NRK: variants seen among roughly 807,000 people sequenced by gnomAD.
NRK encodes the protein Nik related kinase.
NRK carries 67 observed loss-of-function variants against 125.2 expected under a neutral mutation model. The observed-to-expected ratio is 0.54, with a 90% confidence interval of 0.44 to 0.66. The LOEUF is 0.66. Ranked by LOEUF, NRK falls within the 30% of genes least tolerant of loss-of-function variation. The pLI is 0.00. For missense variants in NRK, 1,224 were observed against 1,192.9 expected, an observed-to-expected ratio of 1.03 and a Z score of -0.38; for synonymous variants, 458 against 429.0, an observed-to-expected ratio of 1.07 and a Z score of -0.84.
rs1175674592 is a variant in NRK at position 105,822,656 on chromosome X, C to T, written c.-190C>T. The T allele has an allele frequency of 2.1e-6, 1 of 480,576 alleles. No homozygotes were observed. Among genetic ancestry groups the T allele is most frequent in the Non-Finnish European group, 3.6e-6 (1 of 276,251 alleles). The allele number at this position is 480,576 out of a possible 1,213,427, so 39.6% of individuals were successfully genotyped here. A position where few individuals can be genotyped will look rare whatever the true frequency, so the allele number is the denominator to read the frequency against. On this transcript the variant is annotated 5_prime_UTR_variant, in exon 1 of 29. Coordinates refer to ENST00000243300, the MANE Select transcript of NRK (RefSeq NM_198465.4). ...TTCCCGCCTCGCAAACTCCGGTTTC[C>T]CTCCACTCCCAACTCTTTTCACTAC...
chrX:105,895,358 T>G (rs1199361107), intron 6 of NRK, 75 bp from the exon 7 acceptor site: 1 of 769,822 alleles, frequency 1.3e-6, no homozygotes, highest in Admixed American at 2.4e-5. Flanking sequence ...TACTAAGAAC[T>G]GTACCAGAAA....
intron 13 of NRK, among the ~76,000 whole-genome samples, chrX:105,910,561 G>A (rs1006762597): frequency 1.8e-5 from 2 of 112,424 alleles, no homozygotes; most frequent in Non-Finnish European, 3.8e-5. Context: ...CATAGTAACA[G>A]ACCAATTACA....
intron 2 of NRK, among the ~76,000 whole-genome samples, chrX:105,849,432 G>A (rs560792660): frequency 1.8e-5 from 2 of 111,080 alleles, no homozygotes; most frequent in South Asian, 7.8e-4. Context: ...CAAATCTCAT[G>A]TCCTCACATT....
intron 25 of NRK, 116 bp from the exon 26 acceptor site, chrX:105,946,199 T>A (rs1406729889): frequency 8.9e-6 from 7 of 788,400 alleles, no homozygotes; most frequent in Non-Finnish European, 1.3e-5. Context: ...TATGCCATTT[T>A]AAAAATCCAC....
Position 105,929,160 on chromosome X carries a change from A to G in NRK, c.3312+4129A>G, listed in dbSNP as rs185534305. The stretch of plus-strand genomic sequence containing the variant: ...TAATATTTGCTTTTTATATCTGGGT[A>G]CTCTAGTGTTTGGTCCATAAGTATT... On this transcript the variant is annotated intron_variant, in intron 19 of 28. Transcript: ENST00000243300. Among the ~76,000 whole-genome samples the G allele has an allele frequency of 5.1e-4, 57 of 111,145 alleles. 1 individual carries two copies. Among genetic ancestry groups the G allele is most frequent in the African/African-American group, 1.9e-3 (57 of 30,728 alleles).
chrX:105,852,713 A>C (rs1162734717), intron 2 of NRK, among the ~76,000 whole-genome samples: 1 of 111,689 alleles, frequency 9.0e-6, no homozygotes, highest in Non-Finnish European at 1.9e-5. Flanking sequence ...AAACAGTACC[A>C]ATGTTTTCAA....
intron 7 of NRK, 47 bp from the exon 8 acceptor site, chrX:105,898,537 C>CT: frequency 8.9e-7 from 1 of 1,128,991 alleles, no homozygotes; most frequent in Non-Finnish European, 1.2e-6. Flanking sequence ...ACTTATTAAG[C>CT]TTTTTTCTCC....
intron 14 of NRK, among the ~76,000 whole-genome samples, chrX:105,915,281 G>T (rs2040351561): frequency 9.0e-6 from 1 of 110,638 alleles, no homozygotes; most frequent in Non-Finnish European, 1.9e-5. Context: ...TAGCTTAAAA[G>T]GATGAGTGTA....
chrX:105,866,987 T>G (rs1450483790), intron 2 of NRK, among the ~76,000 whole-genome samples: 1 of 111,167 alleles, frequency 9.0e-6, no homozygotes, highest in African/African-American at 3.3e-5. Flanking sequence ...ATTCAGTGAA[T>G]TTTTGTTGAA....
Position 105,912,653 on chromosome X carries a change from A to G in NRK, c.2247A>G (p.Lys749=), listed in dbSNP as rs764035983. The G allele has an allele frequency of 8.4e-6, 9 of 1,073,390 alleles. No individual in the cohort carries two copies. The Admixed American group carries it at 2.8e-4, about 33-fold the overall frequency. 88.5% of individuals were successfully genotyped at this position (1,073,390 alleles called of 1,213,427 possible). A position where few individuals can be genotyped will look rare whatever the true frequency, so the allele number is the denominator to read the frequency against. Residue 749 remains lysine, a synonymous_variant, in exon 14 of 29, where the codon AAA becomes AAG. Transcript: ENST00000243300. Reference sequence around the variant, plus strand: ...CTTTCCTTTTTGTTTCAAAGGACAAAGAAGATGAATCATCAGACAATGATG... The same window carrying G: ...CTTTCCTTTTTGTTTCAAAGGACAAGGAAGATGAATCATCAGACAATGATG... ...EEELRQVDKD[K]EDESSDNDEV...
In NRK at chrX:105,945,672, C is replaced by A. The variant is rs1313086932; in HGVS notation, c.4060-200C>A. Among the ~76,000 whole-genome samples, 28 of 111,573 alleles carry A rather than the reference C, an allele frequency of 2.5e-4. No homozygotes were observed. The Admixed American group carries it at 2.6e-3, about 10-fold the overall frequency. Reference sequence around the variant, plus strand: ...TCTAGCCTGATACACAGTTCTTGTCCAAGTCCTCACTGCAGTTCTTGACTC... The same window carrying A: ...TCTAGCCTGATACACAGTTCTTGTCAAAGTCCTCACTGCAGTTCTTGACTC... On this transcript the variant is annotated intron_variant, in intron 24 of 28. Transcript: ENST00000243300.
intron 22 of NRK, 141 bp downstream of exon 22, chrX:105,937,723 CTTATA>C (rs2040684423): frequency 5.5e-6 from 2 of 363,247 alleles, no homozygotes; most frequent in Admixed American, 5.4e-5. Flanking sequence ...GACTTTCCTA[CTTATA>C]TTATCTTATC....
intron 2 of NRK, among the ~76,000 whole-genome samples, chrX:105,876,381 C>T (rs1005355927): frequency 3.6e-5 from 4 of 110,585 alleles, no homozygotes; most frequent in African/African-American, 1.3e-4. Flanking sequence ...TGTTATAAAC[C>T]ATAAATATAT....
upstream of NRK, chrX:105,822,522 G>A (rs1000437522): frequency 6.8e-5 from 21 of 307,250 alleles, no homozygotes; most frequent in Admixed American, 7.8e-4. Context: ...CCTGAAAGAG[G>A]CGCACCCTGA....
rs190072417 is a variant in NRK, at chrX:105,946,239, A to G, written c.4204-76A>G. On this transcript the variant is annotated intron_variant, in intron 25 of 28. Transcript: ENST00000243300. ...GTTTTGTACACTTATAAACCTGACA[A>G]AAGAGTGAGGGAATTTTTGCCTTAG... 9.3e-4 allele frequency: 884 copies of G among 950,694 alleles called. 5 individuals are homozygous for G. Among genetic ancestry groups the G allele is most frequent in the Non-Finnish European group, 5.9e-5 (41 of 694,221 alleles). 78.3% of individuals were successfully genotyped at this position (950,694 alleles called of 1,213,427 possible).
intron 1 of NRK, among the ~76,000 whole-genome samples, chrX:105,823,251 G>A (rs1340805111): frequency 8.9e-6 from 1 of 112,219 alleles, no homozygotes; most frequent in Non-Finnish European, 1.9e-5. Context: ...TCCAACAGAG[G>A]TCAAAAAGTG....
At chrX:105,944,618 G>T (rs1354738427) in intron 24 of NRK, among the ~76,000 whole-genome samples, 2 of 111,390 alleles carry the variant, frequency 1.8e-5, no homozygotes, top group East Asian at 2.8e-4. Flanking sequence ...AGCTGAGAAA[G>T]TCCCTGTTTT....
At chrX:105,825,726 A>G (rs1454418153) in intron 1 of NRK, among the ~76,000 whole-genome samples, 1 of 111,835 alleles carries the variant, frequency 8.9e-6, no homozygotes, top group Non-Finnish European at 1.9e-5. Flanking sequence ...ATACAATGAT[A>G]TAACTTTTTC....
In NRK at chrX:105,958,302, A is replaced by G. The variant is rs1172539984; in HGVS notation, c.*2702A>G. 1 of 112,343 alleles carries G rather than the reference A, an allele frequency of 8.9e-6. No individual in the cohort carries two copies. The highest frequency in any genetic ancestry group is 1.9e-5 in the Non-Finnish European group (1 of 53,262). 9.3% of individuals were successfully genotyped at this position (112,343 alleles called of 1,213,427 possible). On this transcript the variant is annotated 3_prime_UTR_variant, in exon 29 of 29. Transcript: ENST00000243300. Reference sequence around the variant, plus strand: ...AGGCAAAGCAGAATCACATGTGCACACACACATACACATGTAAACATTGGA... The same window carrying G: ...AGGCAAAGCAGAATCACATGTGCACGCACACATACACATGTAAACATTGGA...
Sources: gnomAD v4.1 joint callset for allele counts (sites outside exome capture counted in the v4.1 genomes callset) on GRCh38, gnomAD v4.1.1 for gene constraint, MANE v1.5 for transcripts, NCBI Gene and HGNC (gene_info 2026-07-23, HGNC 2026-07-21) for gene names.